Variants in F13A1 observed in about 807,000 individuals in gnomAD.
F13A1 encodes the protein FSF, A subunit.
Under a neutral mutation model 80.1 loss-of-function variants are expected in F13A1, and 47 were observed. The ratio of observed to expected loss-of-function variants is 0.59; its 90% confidence interval spans 0.46 to 0.75. F13A1 has a LOEUF of 0.75. Ranked by LOEUF, F13A1 falls within the 30% of genes least tolerant of loss-of-function variation. The pLI, the probability that F13A1 is intolerant of heterozygous loss-of-function variation, is 0.00. For missense variants in F13A1, 817 were observed against 930.4 expected (o/e 0.88, Z 1.59); for synonymous variants, 349 against 344.9 (o/e 1.01, Z -0.13).
chr6:6,157,723 A>G (rs550823135), intron 13 of F13A1, among the ~76,000 whole-genome samples: 16 of 152,340 alleles, frequency 1.1e-4, no homozygotes, highest in Admixed American at 1.0e-3. Context: ...TTTAAAAATG[A>G]GAGATGCCAC....
intron 7 of F13A1, 57 bp from the exon 8 acceptor site, chr6:6,222,228 G>A: frequency 1.9e-6 from 3 of 1,609,768 alleles, no homozygotes; most frequent in South Asian, 1.1e-5. Context: ...TAAACACAGA[G>A]TGAAAAAACC....
intron 3 of F13A1, among the ~76,000 whole-genome samples, chr6:6,298,381 C>G (rs1758364817): frequency 1.3e-5 from 2 of 149,952 alleles, no homozygotes; most frequent in South Asian, 4.2e-4. Context: ...GTGTGGGAGT[C>G]TAAGTCTCTT....
intron 4 of F13A1, among the ~76,000 whole-genome samples, chr6:6,258,592 T>C (rs1757734006): frequency 6.6e-6 from 1 of 152,138 alleles, no homozygotes; most frequent in South Asian, 2.1e-4. Context: ...GTCACCTACA[T>C]GCCATTGAAA....
At chr6:6,158,025 C>T (rs1305760379) in intron 13 of F13A1, among the ~76,000 whole-genome samples, 1 of 152,116 alleles carries the variant, frequency 6.6e-6, no homozygotes, top group Non-Finnish European at 1.5e-5. Flanking sequence ...AGGGCACCCA[C>T]GGTTTGGTCC....
At chr6:6,184,698 G>C (rs746698308) in intron 10 of F13A1, among the ~76,000 whole-genome samples, 1 of 152,154 alleles carries the variant, frequency 6.6e-6, no homozygotes, top group East Asian at 1.9e-4. Flanking sequence ...AACAGCTTGT[G>C]GTTTTCCAGG....
At chr6:6,188,095 C>T (rs1761113894) in intron 10 of F13A1, among the ~76,000 whole-genome samples, 1 of 151,874 alleles carries the variant, frequency 6.6e-6, no homozygotes, top group Non-Finnish European at 1.5e-5. Flanking sequence ...TTTATTGTGT[C>T]TATTTGATTC....
chr6:6,295,372 T>G (rs201275695), intron 3 of F13A1, among the ~76,000 whole-genome samples: 12,140 of 145,168 alleles, frequency 0.084, 859 homozygotes, highest in East Asian at 0.2. Flanking sequence ...CAGTGTAAAA[T>G]TGTTCCTATT....
At chr6:6,217,499 AG>A (rs1757113647) in intron 8 of F13A1, among the ~76,000 whole-genome samples, 1 of 129,918 alleles carries the variant, frequency 7.7e-6, no homozygotes, top group African/African-American at 3.0e-5. Flanking sequence ...GGACACAGGA[AG>A]GGGAACATAA....
At chr6:6,177,066 A>C (rs542959679) in intron 11 of F13A1, among the ~76,000 whole-genome samples, 2 of 152,300 alleles carry the variant, frequency 1.3e-5, no homozygotes, top group Admixed American at 1.3e-4. Flanking sequence ...CTGTTTCTCT[A>C]CAGTTATGCT....
intron 8 of F13A1, among the ~76,000 whole-genome samples, chr6:6,215,262 A>C (rs2113044106): frequency 7.7e-6 from 1 of 129,144 alleles, no homozygotes; most frequent in South Asian, 2.9e-4. Context: ...CTTGATGAAC[A>C]TTGATGCAAA....
chr6:6,228,218 C>T (rs1757302612), intron 6 of F13A1, among the ~76,000 whole-genome samples: 1 of 151,994 alleles, frequency 6.6e-6, no homozygotes, highest in Non-Finnish European at 1.5e-5. Flanking sequence ...ACTAAATTGC[C>T]CTCCCATAAT....
At chr6:6,285,666 G>C (rs949090495) in intron 3 of F13A1, among the ~76,000 whole-genome samples, 14 of 152,322 alleles carry the variant, frequency 9.2e-5, no homozygotes, top group Admixed American at 5.2e-4. Context: ...GCATGAGTAG[G>C]GGAGGAGAGG....
chr6:6,215,331 C>T (rs1761703476), intron 8 of F13A1, among the ~76,000 whole-genome samples: 1 of 111,526 alleles, frequency 9.0e-6, no homozygotes, highest in African/African-American at 3.6e-5. Context: ...GCTTATCCAC[C>T]ATGATCAAGT....
chr6:6,274,736 A>C (rs1449749009), intron 3 of F13A1, among the ~76,000 whole-genome samples: 1 of 152,202 alleles, frequency 6.6e-6, no homozygotes, highest in Non-Finnish European at 1.5e-5. Flanking sequence ...ACAGTGTGGA[A>C]ACCCAGAGGA....
chr6:6,207,799 T>A (rs1360512045), intron 8 of F13A1, among the ~76,000 whole-genome samples: 1 of 152,154 alleles, frequency 6.6e-6, no homozygotes, highest in African/African-American at 2.4e-5. Flanking sequence ...CTAAGCTAAC[T>A]CAGCTCACTT....
intron 3 of F13A1, among the ~76,000 whole-genome samples, chr6:6,270,666 G>C (rs1757908717): frequency 6.6e-6 from 1 of 152,170 alleles, no homozygotes; most frequent in South Asian, 2.1e-4. Flanking sequence ...ACAGAACTGG[G>C]GACAGGGAAG....
At chr6:6,257,204 G>C (rs1397757101) in intron 4 of F13A1, among the ~76,000 whole-genome samples, 1 of 152,180 alleles carries the variant, frequency 6.6e-6, no homozygotes, top group East Asian at 1.9e-4. Flanking sequence ...ACTCCGGACT[G>C]GTGTCACCAT....
At chr6:6,175,000 G>A in intron 11 of F13A1, 133 bp from the exon 12 acceptor site, 2 of 1,083,254 alleles carry the variant, frequency 1.8e-6, no homozygotes, top group Non-Finnish European at 2.7e-6. Flanking sequence ...CCCAGGAGGA[G>A]GGTGCCGTCA....
In F13A1 at chr6:6,182,037, A is replaced by G; in HGVS notation, c.1410T>C (p.Ile470=). 6.2e-7 allele frequency: 1 copy of G among 1,614,190 alleles called. No homozygotes were observed. Among genetic ancestry groups the G allele is most frequent in the Non-Finnish European group, 8.5e-7 (1 of 1,180,020 alleles). ...HIGKLIVTKQ[I]GGDGMMDITD... ...TAATATCCATCATGCCATCTCCTCCAATTTGTTTGGTCACAATTAATTTCC... is the reference window on the plus strand; with the variant it reads ...TAATATCCATCATGCCATCTCCTCCGATTTGTTTGGTCACAATTAATTTCC... Residue 470 remains isoleucine, a synonymous_variant, in exon 11 of 15, where the codon ATT becomes ATC. Coordinates refer to ENST00000264870, the MANE Select transcript of F13A1 (RefSeq NM_000129.4).
Sources: gnomAD v4.1 joint callset for allele counts (sites outside exome capture counted in the v4.1 genomes callset) on GRCh38, gnomAD v4.1.1 for gene constraint, MANE v1.5 for transcripts, NCBI Gene and HGNC (gene_info 2026-07-23, HGNC 2026-07-21) for gene names.